ZNF493: variants seen among roughly 807,000 people sequenced by gnomAD.
The protein encoded by ZNF493 is zinc finger protein 493.
In ZNF493, 11 loss-of-function variants were observed where a neutral mutation model predicts 12.2. The observed-to-expected ratio is 0.90, with a 90% CI of 0.57 to 1.50. The LOEUF is 1.50. ZNF493 is among the 40% of genes most tolerant of loss of function. The probability of loss-of-function intolerance (pLI) is 0.00; values close to 1 mark genes in which losing one functional copy is unlikely to be tolerated. For synonymous variants in ZNF493, 286 were observed against 302.6 expected (o/e 0.95, Z 0.57); for missense variants, 950 against 906.6 (o/e 1.05, Z -0.61).
At chr19:21,407,582 C>A (rs976540472) in intron 3 of ZNF493, 3 of 974,748 alleles carry the variant, frequency 3.1e-6, no homozygotes, top group Non-Finnish European at 3.7e-6. Flanking sequence ...AGCCACCATG[C>A]CCAGCCTAAT....
At chr19:21,407,382 G>A (rs779098531) in intron 3 of ZNF493, 39 of 152,302 alleles carry the variant, frequency 2.6e-4, no homozygotes, top group South Asian at 6.2e-4. Flanking sequence ...TCCACCTCCC[G>A]GGTTCTTGCC....
At chr19:21,411,827 A>C (rs965764782) in intron 3 of ZNF493, 2 of 150,744 alleles carry the variant, frequency 1.3e-5, no homozygotes, top group Non-Finnish European at 2.9e-5. Flanking sequence ...ACAGTGGCTG[A>C]ATCTCAGCTT....
chr19:21,425,696 T>A lies in ZNF493; in HGVS notation c.*712T>A. ...ATGCTGGAGAGAAACCCTACAAATG[T>A]GAAAAATGTGGCAAAGCTTTTAACC... On this transcript the variant is annotated 3_prime_UTR_variant, in exon 4 of 4. Coordinates refer to ENST00000392288, the MANE Select transcript of ZNF493 (RefSeq NM_001076678.3). 1.3e-6 allele frequency: 1 copy of A among 743,046 alleles called. No individual in the cohort carries two copies. 46.0% of individuals were successfully genotyped at this position (743,046 alleles called of 1,614,324 possible). A position where few individuals can be genotyped will look rare whatever the true frequency, so the allele number is the denominator to read the frequency against.
At chr19:21,403,319 C>T (rs552176635) in intron 1 of ZNF493, among the ~76,000 whole-genome samples, 4 of 152,248 alleles carry the variant, frequency 2.6e-5, no homozygotes, top group South Asian at 2.1e-4. Flanking sequence ...GGAACTGTTC[C>T]GTTTGGTTTT....
chr19:21,419,869 G>A lies in ZNF493; in HGVS notation c.254-3044G>A, dbSNP rs919366090. ...ATTCTGGGTCTCCTAGGGTGAGAGG[G>A]AAGAGAGAGTAAAAATGTTCTGAGA... is the stretch of plus-strand genomic sequence containing the variant. On this transcript the variant is annotated intron_variant, in intron 3 of 3. Coordinates refer to ENST00000392288, the MANE Select transcript of ZNF493 (RefSeq NM_001076678.3). Among the ~76,000 whole-genome samples, 3 of 152,104 alleles carry A rather than the reference G, an allele frequency of 2.0e-5. No homozygotes were observed. The South Asian group carries it at 6.2e-4, about 32-fold the overall frequency.
Position 21,424,610 on chromosome 19 carries a change from CAT to C in ZNF493, c.1953_1954del (p.His651GlnfsTer9), listed in dbSNP as rs2030799335. ...SSHLAGHKQI[H>X]SVQKPYKCEE... is the part of the protein sequence containing the mutation. Reference sequence around the variant, plus strand: ...ACACCTCGCTGGGCACAAGCAAATTCATAGTGTACAAAAACCCTACAAATGTG... The same window carrying C: ...ACACCTCGCTGGGCACAAGCAAATTCAGTGTACAAAAACCCTACAAATGTG... On this transcript the variant is annotated frameshift_variant, in exon 4 of 4. Coordinates refer to ENST00000392288, the MANE Select transcript of ZNF493 (RefSeq NM_001076678.3). LOFTEE classifies it low-confidence loss of function (END_TRUNC). 6.2e-7 allele frequency: 1 copy of C among 1,613,226 alleles called. No individual in the cohort carries two copies. Among genetic ancestry groups the C allele is most frequent in the Admixed American group, 1.7e-5 (1 of 59,916 alleles).
At chr19:21,421,534 T>C (rs1265962366) in intron 3 of ZNF493, among the ~76,000 whole-genome samples, 1 of 151,962 alleles carries the variant, frequency 6.6e-6, no homozygotes, top group Non-Finnish European at 1.5e-5. Context: ...CCAGACTAAT[T>C]TTGTATTTTT....
intron 3 of ZNF493, among the ~76,000 whole-genome samples, chr19:21,417,630 A>C (rs947556920): frequency 6.6e-6 from 1 of 152,152 alleles, no homozygotes; most frequent in African/African-American, 2.4e-5. Flanking sequence ...AAGCTGTAAT[A>C]CACACTCCTG....
intron 1 of ZNF493, 75 bp downstream of exon 1, chr19:21,397,342 G>A (rs545691546): frequency 1.3e-5 from 20 of 1,551,226 alleles, no homozygotes; most frequent in Non-Finnish European, 1.8e-5. Context: ...GCTGTGGCGG[G>A]ACTCAGGCCT....
At chr19:21,404,898 A>T (rs2030063483) in intron 1 of ZNF493, among the ~76,000 whole-genome samples, 1 of 152,246 alleles carries the variant, frequency 6.6e-6, no homozygotes, top group African/African-American at 2.4e-5. Flanking sequence ...TTTACTATTA[A>T]TAAAAGTATA....
At position 21,406,453 on chromosome 19, in the gene ZNF493, A is replaced by G. The variant is rs1325877202; in HGVS notation, c.253+597A>G. 3.9e-5 allele frequency among the ~76,000 whole-genome samples: 6 copies of G among 152,148 alleles called. No homozygotes were observed. In the South Asian group the frequency reaches 8.3e-4, roughly 21 times the overall value. On this transcript the variant is annotated intron_variant, in intron 3 of 3. Coordinates refer to ENST00000392288, the MANE Select transcript of ZNF493 (RefSeq NM_001076678.3). ...TTCATTGATACTCCTTTAAGTTTACAGTGAGAGCCAAATCATCTTCATGGC... is the reference window on the plus strand; with the variant it reads ...TTCATTGATACTCCTTTAAGTTTACGGTGAGAGCCAAATCATCTTCATGGC...
intron 3 of ZNF493, chr19:21,408,564 C>T (rs1338720357): frequency 2.0e-6 from 2 of 984,926 alleles, no homozygotes; most frequent in East Asian, 1.1e-4. Context: ...CAGTCAAATA[C>T]TGTAGTTAGA....
At chr19:21,412,289 A>G (rs1161596886) in intron 3 of ZNF493, 1 of 152,258 alleles carries the variant, frequency 6.6e-6, no homozygotes, top group African/African-American at 2.4e-5. Context: ...TATCTGCAGC[A>G]GGAGCATGTC....
intron 3 of ZNF493, among the ~76,000 whole-genome samples, chr19:21,420,623 ATTTTTTTTTTTTTTTTTT>A (rs1164416201): frequency 3.1e-4 from 5 of 16,116 alleles, no homozygotes; most frequent in East Asian, 2.5e-3. Context: ...ATATATATAT[ATTTTTTTTTTTTTTTTTT>A]TTTTTTTTTT....
At position 21,424,199 on chromosome 19, in the gene ZNF493, G is replaced by T. The variant is rs748009745; in HGVS notation, c.1540G>T (p.Glu514Ter). The part of the protein sequence containing the change: ...LSIHKIIHTG[E>*]KPYKCEECGK... ...TATACATAAAATAATTCATACTGGA[G>T]AAAAACCCTACAAATGTGAAGAATG... The change falls in exon 4 of 4, where the codon GAA becomes TAA. Residue 514 changes from glutamate to a stop codon, truncating the protein, a stop_gained. Coordinates refer to ENST00000392288, the MANE Select transcript of ZNF493 (RefSeq NM_001076678.3). LOFTEE classifies it low-confidence loss of function (END_TRUNC). 474 of 1,611,894 alleles carry T rather than the reference G, an allele frequency of 2.9e-4. 5 individuals are homozygous for T. The Admixed American group carries it at 3.1e-3, about 10-fold the overall frequency.
At position 21,406,017 on chromosome 19, in the gene ZNF493, T is replaced by G. The variant is rs2030114155; in HGVS notation, c.253+161T>G. Among the ~76,000 whole-genome samples, 3 of 151,574 alleles carry G rather than the reference T, an allele frequency of 2.0e-5. No individual in the cohort carries two copies. In the South Asian group the frequency reaches 6.2e-4, roughly 32 times the overall value. ...AGGTGGATCACCTGAGCTCAGGAGTTCGAGACCAGACTGGCCAACATGGTG... is the reference window on the plus strand; with the variant it reads ...AGGTGGATCACCTGAGCTCAGGAGTGCGAGACCAGACTGGCCAACATGGTG... On this transcript the variant is annotated intron_variant, in intron 3 of 3. Coordinates refer to ENST00000392288, the MANE Select transcript of ZNF493 (RefSeq NM_001076678.3).
rs756706731 is a variant in ZNF493, at chr19:21,424,074, G to A, written c.1415G>A (p.Arg472Gln). ...KCEECGKAFK[R>Q]SSTLTKHRII... ...GAAGAATGTGGCAAAGCTTTTAAAC[G>A]ATCTTCAACCCTTACTAAACATAGG... Residue 472 changes from arginine to glutamine, a missense_variant, in exon 4 of 4, where the codon CGA becomes CAA. Coordinates refer to ENST00000392288, the MANE Select transcript of ZNF493 (RefSeq NM_001076678.3). 16 of 1,607,206 alleles carry A rather than the reference G, an allele frequency of 1.0e-5. No homozygotes were observed. The highest frequency in any genetic ancestry group is 9.5e-5 in the African/African-American group (7 of 73,584).
chr19:21,413,156 C>T, intron 3 of ZNF493: 1 of 310,586 alleles, frequency 3.2e-6, no homozygotes. Flanking sequence ...TGCAATCTTT[C>T]TAAAGAAGTA....
At chr19:21,404,917 G>T (rs1304138319) in intron 1 of ZNF493, among the ~76,000 whole-genome samples, 2 of 148,642 alleles carry the variant, frequency 1.3e-5, no homozygotes, top group African/African-American at 5.0e-5. Context: ...TATATACAGT[G>T]GTGTTGTAGA....
Sources: allele counts gnomAD v4.1 joint callset (sites outside exome capture counted in the v4.1 genomes callset), GRCh38; gene constraint gnomAD v4.1.1; transcripts MANE v1.5; gene names NCBI Gene and HGNC (gene_info 2026-07-23, HGNC 2026-07-21).